TP53BP2: variants seen among roughly 807,000 people sequenced by gnomAD.
TP53BP2 encodes tumor protein p53 binding protein 2, also known as apoptosis-stimulating of p53 protein 2.
Under a neutral mutation model 126.2 loss-of-function variants are expected in TP53BP2, and 62 were observed. The ratio of observed to expected loss-of-function variants is 0.49; its 90% CI spans 0.40 to 0.61. TP53BP2 has a LOEUF of 0.61. Among genes scored for constraint, TP53BP2 ranks in the 20% least tolerant of loss-of-function variants. The pLI is 0.00. For synonymous variants in TP53BP2, 485 were observed against 502.9 expected, an observed-to-expected ratio of 0.96 and a Z score of 0.48; for missense variants, 1,215 against 1,402.8, an observed-to-expected ratio of 0.87 and a Z score of 2.14.
intron 4 of TP53BP2, among the ~76,000 whole-genome samples, chr1:223,808,728 T>TAA (rs78883797): frequency 2.1e-4 from 27 of 130,566 alleles, no homozygotes; most frequent in Non-Finnish European, 3.1e-4. Context: ...TATGCTCCAT[T>TAA]AAAAAAAAAA....
At position 223,803,351 on chromosome 1, in the gene TP53BP2, G is replaced by C. The variant is rs763196389; in HGVS notation, c.751C>G (p.Leu251Val). 1.2e-6 allele frequency: 2 copies of C among 1,613,858 alleles called. No individual in the cohort carries two copies. The highest frequency in any genetic ancestry group is 1.7e-5 in the Admixed American group (1 of 59,982). ...TGGCTGTCGATCCTGCCGTTCTTGA[G>C]CATCTCTAGCTGCCTGGTCAGTTCT... ...VEELTRQLEM[L>V]KNGRIDSHHD... The change falls in exon 7 of 18, where the codon CTC (leucine) becomes GTC (valine). Residue 251 changes from leucine (L) to valine (V), a missense_variant. Physicochemically the swap from Leu to Val is conservative, Grantham distance 32 (BLOSUM62 1). Coordinates refer to ENST00000343537, the MANE Select transcript of TP53BP2 (RefSeq NM_001031685.3).
intron 2 of TP53BP2, among the ~76,000 whole-genome samples, chr1:223,820,106 C>T (rs1663248326): frequency 6.6e-6 from 1 of 152,138 alleles, no homozygotes; most frequent in Admixed American, 6.6e-5. Context: ...ATTTTAGCTG[C>T]AATCCAGAAG....
At position 223,798,292 on chromosome 1, in the gene TP53BP2, G is replaced by A. The variant is rs753564208; in HGVS notation, c.1871C>T (p.Ala624Val). The A allele has an allele frequency of 6.2e-6, 10 of 1,614,026 alleles. No individual in the cohort carries two copies. The highest frequency in any genetic ancestry group is 5.0e-5 in the Admixed American group (3 of 60,012). The change falls in exon 12 of 18, where the codon GCG becomes GTG. Residue 624 changes from alanine (A) to valine (V), a missense_variant. This residue lies in a region of TP53BP2 where 814 missense variants were observed against 853.0 expected (regional missense o/e 0.95). Transcript: ENST00000343537. Reference sequence around the variant, plus strand: ...AGCCTGCTGGAAGTTTTTTCCTGGCGCCTGCTGTTGCGTATACATGGAATA... The same window carrying A: ...AGCCTGCTGGAAGTTTTTTCCTGGCACCTGCTGTTGCGTATACATGGAATA... ...SIYSMYTQQQ[A>V]PGKNFQQAVQ...
At position 223,806,904 on chromosome 1, in the gene TP53BP2, T is replaced by G; in HGVS notation, c.416A>C (p.Glu139Ala). Residue 139 changes from glutamate to alanine, a missense_variant, in exon 5 of 18, where the codon GAA (glutamate) becomes GCA (alanine). Coordinates refer to ENST00000343537, the MANE Select transcript of TP53BP2 (RefSeq NM_001031685.3). ...RMDLTLAELQEMASRQQQQIE... is the reference protein window; with the variant it reads ...RMDLTLAELQAMASRQQQQIE... ...CTGTTGCTGCTGGCGAGATGCCATTTCCTGAAGTTCAGCAAGAGTCAGATC... is the reference window on the plus strand; with the variant it reads ...CTGTTGCTGCTGGCGAGATGCCATTGCCTGAAGTTCAGCAAGAGTCAGATC... 1 of 1,614,100 alleles carries G rather than the reference T, an allele frequency of 6.2e-7. No individual in the cohort carries two copies. Among genetic ancestry groups the G allele is most frequent in the Non-Finnish European group, 8.5e-7 (1 of 1,179,976 alleles).
At chr1:223,829,418 G>A (rs1343528601) in intron 1 of TP53BP2, among the ~76,000 whole-genome samples, 4 of 152,158 alleles carry the variant, frequency 2.6e-5, no homozygotes, top group African/African-American at 7.2e-5. Context: ...GGTAGACGAG[G>A]TTTCAACAAA....
chr1:223,789,266 C>A, intron 15 of TP53BP2, 92 bp from the exon 16 acceptor site: 1 of 1,446,204 alleles, frequency 6.9e-7, no homozygotes, highest in Non-Finnish European at 9.5e-7. Context: ...TTGAGTCTCT[C>A]ATCTACCAAG....
At chr1:223,793,205 A>C (rs1473995957) in intron 14 of TP53BP2, 98 bp downstream of exon 14, 1 of 945,828 alleles carries the variant, frequency 1.1e-6, no homozygotes, top group Non-Finnish European at 1.5e-6. Flanking sequence ...AAAACAAAAT[A>C]CAAGGTCATA....
rs569401033 is a variant in TP53BP2 at position 223,817,770 on chromosome 1, A to G, written c.176-3417T>C. Among the ~76,000 whole-genome samples, 116 of 152,120 alleles carry G rather than the reference A, an allele frequency of 7.6e-4. 1 individual carries two copies. Among genetic ancestry groups the G allele is most frequent in the Non-Finnish European group, 1.0e-3 (69 of 67,964 alleles). On this transcript the variant is annotated intron_variant, in intron 2 of 17. Transcript: ENST00000343537. ...GTGAAACTCCATCTCTACTAAAAATATAAAAATTAGCTGGGCGTGGTGGTG... is the reference window on the plus strand; with the variant it reads ...GTGAAACTCCATCTCTACTAAAAATGTAAAAATTAGCTGGGCGTGGTGGTG...
intron 12 of TP53BP2, 104 bp downstream of exon 12, chr1:223,798,111 G>T: frequency 8.8e-7 from 1 of 1,130,208 alleles, no homozygotes; most frequent in Non-Finnish European, 1.3e-6. Flanking sequence ...AAAACCCTTA[G>T]CGTCAGTCAA....
chr1:223,794,936 AT>A (rs1388962027), intron 13 of TP53BP2, among the ~76,000 whole-genome samples: 4 of 152,252 alleles, frequency 2.6e-5, no homozygotes, highest in Admixed American at 2.0e-4. Context: ...ATTTAAAAAA[AT>A]TCTTTTAATG....
chr1:223,798,376 G>A lies in TP53BP2; in HGVS notation c.1787C>T (p.Ser596Phe). ...AAVRPFTPQP[S>F]KDTLLPPFRK... ...GAAGGGTGGAAGTAAGGTGTCTTTG[G>A]AAGGCTGGGGAGTAAAGGGCCGGAC... Residue 596 changes from serine to phenylalanine, a missense_variant, in exon 12 of 18, where the codon TCC becomes TTC. Ser to Phe is a radical substitution (Grantham distance 155, BLOSUM62 -2). Around this residue, in one of 4 missense-constraint regions of TP53BP2, gnomAD observed 814 missense variants for 853.0 expected, o/e 0.95. Transcript: ENST00000343537. 1.2e-6 allele frequency: 2 copies of A among 1,614,184 alleles called. No individual in the cohort carries two copies. Among genetic ancestry groups the A allele is most frequent in the Non-Finnish European group, 1.7e-6 (2 of 1,180,034 alleles).
intron 17 of TP53BP2, among the ~76,000 whole-genome samples, chr1:223,781,318 A>G (rs893831537): frequency 6.6e-6 from 1 of 152,244 alleles, no homozygotes; most frequent in African/African-American, 2.4e-5. Flanking sequence ...CTTTATTCAC[A>G]ATGGACATGA....
chr1:223,787,549 A>G (rs1198829194), intron 16 of TP53BP2, among the ~76,000 whole-genome samples: 1 of 152,078 alleles, frequency 6.6e-6, no homozygotes, highest in Non-Finnish European at 1.5e-5. Context: ...GTTTGAGACT[A>G]GCCTGGGCAA....
intron 1 of TP53BP2, among the ~76,000 whole-genome samples, chr1:223,831,088 A>G (rs1663687639): frequency 7.3e-6 from 1 of 136,066 alleles, no homozygotes; most frequent in East Asian, 2.1e-4. Context: ...AGAGAGTGAG[A>G]CTCTTTCTCA....
rs1206532624 is a variant in TP53BP2 at position 223,796,662 on chromosome 1, C to G, written c.1949-72G>C. 9 of 1,362,788 alleles carry G rather than the reference C, an allele frequency of 6.6e-6. No homozygotes were observed. The highest frequency in any genetic ancestry group is 8.9e-6 in the Non-Finnish European group (9 of 1,012,220). 84.4% of individuals were successfully genotyped at this position (1,362,788 alleles called of 1,614,324 possible). On this transcript the variant is annotated intron_variant, in intron 12 of 17. Coordinates refer to ENST00000343537, the MANE Select transcript of TP53BP2 (RefSeq NM_001031685.3). This position sits in a 1 kb window ranked among gnomAD's most constrained non-coding sequence, Gnocchi z 4.2. Reference sequence around the variant, plus strand: ...CAAAACTGGCAAGAAACAGAAACAGCTAACAATAACTAAAGCCTCTTTTAA... The same window carrying G: ...CAAAACTGGCAAGAAACAGAAACAGGTAACAATAACTAAAGCCTCTTTTAA...
At chr1:223,831,480 A>AAATAT (rs1287271743) in intron 1 of TP53BP2, among the ~76,000 whole-genome samples, 162 of 32,320 alleles carry the variant, frequency 5.0e-3, no homozygotes, top group South Asian at 8.2e-3. Context: ...AAAAAAAAAA[A>AAATAT]ATATATATAT....
At chr1:223,791,479 G>A (rs754785266) in intron 15 of TP53BP2, among the ~76,000 whole-genome samples, 1 of 152,090 alleles carries the variant, frequency 6.6e-6, no homozygotes, top group Non-Finnish European at 1.5e-5. Context: ...TAAAACAAAA[G>A]TTGGAAAACA....
chr1:223,786,552 TTA>T (rs1413630942), intron 16 of TP53BP2, among the ~76,000 whole-genome samples: 2 of 150,706 alleles, frequency 1.3e-5, no homozygotes, highest in African/African-American at 4.9e-5. Context: ...TATTAACACA[TTA>T]TATATATGTG....
At chr1:223,795,618 T>C (rs1266373570) in intron 13 of TP53BP2, among the ~76,000 whole-genome samples, 197 bp downstream of exon 13, 1 of 152,064 alleles carries the variant, frequency 6.6e-6, no homozygotes, top group Non-Finnish European at 1.5e-5. Context: ...CTTTCACAAA[T>C]AAATGGGTTC....
Sources: allele counts gnomAD v4.1 joint callset (sites outside exome capture counted in the v4.1 genomes callset), GRCh38; gene constraint gnomAD v4.1.1; regional missense constraint gnomAD v4.1.1; non-coding constraint Gnocchi (gnomAD v3.1); transcripts MANE v1.5; gene names NCBI Gene and HGNC (gene_info 2026-07-23, HGNC 2026-07-21).